The following PTPRT variants were observed in gnomAD, a reference collection of about 807,000 sequenced individuals.
PTPRT encodes the protein protein tyrosine phosphatase receptor type T, also known as receptor-type tyrosine-protein phosphatase T.
PTPRT carries 56 observed loss-of-function variants against 176.8 expected under a neutral mutation model. The observed-to-expected ratio is 0.32, with a 90% confidence interval of 0.26 to 0.40. PTPRT has a LOEUF of 0.40. Among genes scored for constraint, PTPRT ranks in the 10% least tolerant of loss-of-function variants. The pLI, the probability that PTPRT is intolerant of heterozygous loss-of-function variation, is 1.00. For missense variants in PTPRT, 1,540 were observed against 1,908.2 expected (o/e 0.81, Z 3.60); for synonymous variants, 783 against 739.0 (o/e 1.06, Z -0.96).
rs200998226 is a variant in PTPRT at position 42,614,945 on chromosome 20, TTTA to T, written c.1153+62918_1153+62920del. ...TTCTTTTTTTTTTTTCTATTTTTTT[TTTA>T]ATTATACTTTAAGTTTTAGGGTACA... On this transcript the variant is annotated intron_variant, in intron 7 of 30. Coordinates refer to ENST00000373187, the MANE Select transcript of PTPRT (RefSeq NM_007050.6). Among the ~76,000 whole-genome samples, 580 of 142,380 alleles carry T rather than the reference TTTA, an allele frequency of 4.1e-3. 4 individuals carry two copies. The Middle Eastern group carries it at 0.041, about 10-fold the overall frequency. The allele number at this position is 142,380 out of a possible 152,430, so 93.4% of individuals were successfully genotyped here. A position where few individuals can be genotyped will look rare whatever the true frequency, so the allele number is the denominator to read the frequency against.
At chr20:42,386,486 C>T (rs1048072960) in intron 9 of PTPRT, among the ~76,000 whole-genome samples, 1 of 152,120 alleles carries the variant, frequency 6.6e-6, no homozygotes, top group Non-Finnish European at 1.5e-5. Context: ...ACTGGGGATA[C>T]CTGAGAGGAG....
intron 2 of PTPRT, among the ~76,000 whole-genome samples, chr20:42,809,336 G>A (rs1368882541): frequency 6.6e-6 from 1 of 152,114 alleles, no homozygotes; most frequent in Non-Finnish European, 1.5e-5. Context: ...CAGGTGCCAG[G>A]TGTGACTCCT....
At chr20:42,562,515 T>C (rs555609867) in intron 7 of PTPRT, among the ~76,000 whole-genome samples, 37 of 152,330 alleles carry the variant, frequency 2.4e-4, no homozygotes, top group African/African-American at 7.9e-4. Flanking sequence ...TGGATGTCAT[T>C]TGGGTTGTTT....
rs1014061770 is a variant in PTPRT, at chr20:42,161,460, C to T, written c.2574G>A (p.Met858Ile). The T allele has an allele frequency of 2.5e-6, 4 of 1,614,040 alleles. No individual in the cohort carries two copies. In the African/African-American group the frequency reaches 4.0e-5, roughly 16 times the overall value. ...GTTGGAACTGGTCCCGGGGGTAGCT[C>T]ATCTCCACAGGGTCACAGGTGCGGT... is the stretch of plus-strand genomic sequence containing the variant. ...HPYRTCDPVE[M>I]SYPRDQFQPA... The change falls in exon 17 of 31, where the codon ATG (methionine) becomes ATA (isoleucine). Residue 858 changes from methionine to isoleucine, a missense_variant. Met to Ile is a conservative substitution (Grantham distance 10, BLOSUM62 1). Around this residue, in one of 11 missense-constraint regions of PTPRT, gnomAD observed 255 missense variants for 250.1 expected, o/e 1.02. Transcript: ENST00000373187.
At chr20:42,253,769 C>G (rs557201610) in intron 13 of PTPRT, among the ~76,000 whole-genome samples, 1 of 152,308 alleles carries the variant, frequency 6.6e-6, no homozygotes. Context: ...TCTCCAACAT[C>G]ATGCTGCAAG....
intron 16 of PTPRT, among the ~76,000 whole-genome samples, chr20:42,164,115 T>C (rs989138972): frequency 3.9e-5 from 6 of 152,178 alleles, no homozygotes; most frequent in Non-Finnish European, 1.5e-5. Flanking sequence ...GCTGAGTCAA[T>C]GCTAGGAGGC....
chr20:42,340,556 A>G (rs1165364852), intron 11 of PTPRT, among the ~76,000 whole-genome samples: 3 of 152,240 alleles, frequency 2.0e-5, no homozygotes, highest in Admixed American at 2.0e-4. Context: ...CAACTCCCTG[A>G]GCAGCCCTCA....
intron 1 of PTPRT, among the ~76,000 whole-genome samples, chr20:43,015,676 G>A (rs958392183): frequency 8.5e-5 from 13 of 152,108 alleles, no homozygotes; most frequent in Non-Finnish European, 1.9e-4. Flanking sequence ...TGGGACTGTG[G>A]AATCAGATAT....
intron 7 of PTPRT, among the ~76,000 whole-genome samples, chr20:42,670,482 A>T (rs2075393653): frequency 6.6e-6 from 1 of 152,168 alleles, no homozygotes; most frequent in African/African-American, 2.4e-5. Flanking sequence ...GAGCCCAGCA[A>T]TTTGAATTTA....
At chr20:42,208,818 C>A (rs6030055) in intron 15 of PTPRT, among the ~76,000 whole-genome samples, 5,883 of 152,226 alleles carry the variant, frequency 0.039, 358 homozygotes, top group African/African-American at 0.13. Context: ...CAGAACTCTC[C>A]ACCCCAAATC....
intron 6 of PTPRT, among the ~76,000 whole-genome samples, chr20:42,701,284 T>C (rs2075970342): frequency 6.6e-6 from 1 of 152,144 alleles, no homozygotes; most frequent in East Asian, 1.9e-4. Flanking sequence ...AGGTAAGTTA[T>C]CCAAACCAGA....
intron 1 of PTPRT, among the ~76,000 whole-genome samples, chr20:43,087,706 C>T (rs1203690947): frequency 6.6e-6 from 1 of 152,058 alleles, no homozygotes; most frequent in East Asian, 1.9e-4. Context: ...TCAATACCTT[C>T]TTCATATATT....
In PTPRT at chr20:42,517,495, C is replaced by T. The variant is rs182959946; in HGVS notation, c.1154-44933G>A. On this transcript the variant is annotated intron_variant, in intron 7 of 30. Coordinates refer to ENST00000373187, the MANE Select transcript of PTPRT (RefSeq NM_007050.6). ...ATCTTTCTATTGTACATATGCATTC[C>T]ATTTAATTAATTTCTGTTTCTACCT... 2.8e-3 allele frequency among the ~76,000 whole-genome samples: 425 copies of T among 151,836 alleles called. 2 individuals are homozygous for T. Among genetic ancestry groups the T allele is most frequent in the African/African-American group, 9.8e-3 (408 of 41,488 alleles).
intron 7 of PTPRT, among the ~76,000 whole-genome samples, chr20:42,627,931 C>T (rs2074325511): frequency 6.6e-6 from 1 of 152,102 alleles, no homozygotes; most frequent in Admixed American, 6.5e-5. Context: ...GAAGTCTTGT[C>T]TTTTCTTGGG....
intron 7 of PTPRT, among the ~76,000 whole-genome samples, chr20:42,562,556 T>G (rs1234816938): frequency 6.6e-6 from 1 of 152,244 alleles, no homozygotes; most frequent in Non-Finnish European, 1.5e-5. Flanking sequence ...ATAAAGCTAT[T>G]ACCAACATTC....
At chr20:42,859,761 T>G (rs879717230) in intron 2 of PTPRT, among the ~76,000 whole-genome samples, 20 of 151,500 alleles carry the variant, frequency 1.3e-4, no homozygotes, top group Non-Finnish European at 2.2e-4. Flanking sequence ...TTTTTTTTTT[T>G]TTGTATTTTT....
Position 42,935,147 on chromosome 20 carries a change from A to ATTT in PTPRT, c.89-49218_89-49216dup, listed in dbSNP as rs57178522. 2.6e-3 allele frequency among the ~76,000 whole-genome samples: 111 copies of ATTT among 42,168 alleles called. 4 individuals are homozygous for ATTT. Among genetic ancestry groups the ATTT allele is most frequent in the Admixed American group, 5.0e-3 (12 of 2,416 alleles). The allele number at this position is 42,168 out of a possible 152,430, so 27.7% of individuals were successfully genotyped here. A position where few individuals can be genotyped will look rare whatever the true frequency, so the allele number is the denominator to read the frequency against. Reference sequence around the variant, plus strand: ...AGGGCGTCTCATTGCTTTTGCCATAATTTTTTTTTTTTTTTTTTTTTTTTT... The same window carrying ATTT: ...AGGGCGTCTCATTGCTTTTGCCATAATTTTTTTTTTTTTTTTTTTTTTTTTTTT... On this transcript the variant is annotated intron_variant, in intron 1 of 30. Transcript: ENST00000373187.
chr20:42,989,523 G>A (rs992783417), intron 1 of PTPRT, among the ~76,000 whole-genome samples: 1 of 152,172 alleles, frequency 6.6e-6, no homozygotes, highest in Non-Finnish European at 1.5e-5. Flanking sequence ...GACAAGGACT[G>A]CCCAGGTAGA....
At chr20:43,000,842 A>G (rs1324770268) in intron 1 of PTPRT, among the ~76,000 whole-genome samples, 2 of 151,932 alleles carry the variant, frequency 1.3e-5, no homozygotes, top group East Asian at 3.9e-4. Context: ...TCTAATTGTG[A>G]CTATTAGCAG....
Sources: gnomAD v4.1 joint callset for allele counts (sites outside exome capture counted in the v4.1 genomes callset) on GRCh38, gnomAD v4.1.1 for gene constraint, gnomAD v4.1.1 regional missense constraint, MANE v1.5 for transcripts, NCBI Gene and HGNC (gene_info 2026-07-23, HGNC 2026-07-21) for gene names.